The following DOCK1 variants were observed in gnomAD, a reference collection of about 807,000 sequenced individuals.
The protein encoded by DOCK1 is dedicator of cytokinesis 1, also known as dedicator of cytokinesis protein 1.
DOCK1 carries 138 observed loss-of-function variants against 262.7 expected under a neutral mutation model. That is an observed-to-expected ratio of 0.53 (90% CI 0.46 to 0.61). The LOEUF (loss-of-function observed/expected upper bound fraction) is 0.61. DOCK1 is among the 20% of genes least tolerant of loss of function. The pLI, the probability that DOCK1 is intolerant of heterozygous loss-of-function variation, is 0.00. For missense variants in DOCK1, 1,908 were observed against 2,370.7 expected (o/e 0.80, Z 4.05); for synonymous variants, 866 against 867.4 (o/e 1.00, Z 0.03).
At chr10:126,949,987 C>G (rs1329510000) in intron 1 of DOCK1, among the ~76,000 whole-genome samples, 1 of 151,892 alleles carries the variant, frequency 6.6e-6, no homozygotes, top group South Asian at 2.1e-4. Context: ...ATTAGCCCCC[C>G]AAAGCAGGTT....
chr10:127,205,720 G>A lies in DOCK1; in HGVS notation c.2848-42288G>A, dbSNP rs543015253. On this transcript the variant is annotated intron_variant, in intron 27 of 51. Transcript: ENST00000623213. ...CTGAAGTGCAATCAGCTTAAATTGC[G>A]ATTCATATGACAAGTGTTGAAACAG... Among the ~76,000 whole-genome samples the A allele has an allele frequency of 2.1e-4, 32 of 152,282 alleles. No individual in the cohort carries two copies. The East Asian group carries it at 6.0e-3, about 29-fold the overall frequency.
Position 127,381,357 on chromosome 10 carries a change from A to G in DOCK1, c.3796A>G (p.Lys1266Glu). 1.2e-6 allele frequency: 2 copies of G among 1,611,474 alleles called. No individual in the cohort carries two copies. The highest frequency in any genetic ancestry group is 1.7e-6 in the Non-Finnish European group (2 of 1,178,306). Reference protein sequence around the residue: ...EAAYTLLLHAKLLKWSEDVCV... With the variant: ...EAAYTLLLHAELLKWSEDVCV... ...GGCTTACACCTTGCTTCTCCATGCA[A>G]AGCTTCTTAAGGTAATGTCAATTAC... The change falls in exon 37 of 52, where the codon AAG (lysine) becomes GAG (glutamate). Residue 1266 changes from lysine to glutamate, a missense_variant. Around this residue, in one of 9 missense-constraint regions of DOCK1, gnomAD observed 267 missense variants for 366.3 expected, o/e 0.73. Transcript: ENST00000623213.
chr10:127,153,806 T>G (rs1316333147), intron 27 of DOCK1: 4 of 1,425,842 alleles, frequency 2.8e-6, no homozygotes, highest in Non-Finnish European at 4.0e-6. Flanking sequence ...TAAACATCAT[T>G]TGTCACTCAT....
intron 27 of DOCK1, among the ~76,000 whole-genome samples, chr10:127,245,017 A>G (rs1227229874): frequency 6.6e-6 from 1 of 152,212 alleles, no homozygotes; most frequent in African/African-American, 2.4e-5. Flanking sequence ...TGTTCCTAAT[A>G]AATGACTGGT....
At position 127,260,351 on chromosome 10, in the gene DOCK1, A is replaced by G. The variant is rs145688480; in HGVS notation, c.3044+2922A>G. Among the ~76,000 whole-genome samples, 13 of 152,342 alleles carry G rather than the reference A, an allele frequency of 8.5e-5. No individual in the cohort carries two copies. The East Asian group carries it at 2.3e-3, about 27-fold the overall frequency. Reference sequence around the variant, plus strand: ...TGAGGATAAAGTCTACCTTGGTGATAATAAAGTCCACCTTGTTCTCTTGTT... The same window carrying G: ...TGAGGATAAAGTCTACCTTGGTGATGATAAAGTCCACCTTGTTCTCTTGTT... On this transcript the variant is annotated intron_variant, in intron 29 of 51. Coordinates refer to ENST00000623213, the MANE Select transcript of DOCK1 (RefSeq NM_001290223.2).
intron 27 of DOCK1, among the ~76,000 whole-genome samples, chr10:127,181,588 T>G (rs2055740093): frequency 6.6e-6 from 1 of 152,218 alleles, no homozygotes; most frequent in African/African-American, 2.4e-5. Context: ...CCTAGTGGCT[T>G]TCTCACTGTT....
At chr10:126,921,911 T>C (rs567158161) in intron 1 of DOCK1, among the ~76,000 whole-genome samples, 34 of 152,002 alleles carry the variant, frequency 2.2e-4, no homozygotes, top group Non-Finnish European at 4.7e-4. Context: ...CTAGGTAATT[T>C]ATAAGAAAAG....
At chr10:127,041,893 C>G (rs531342800) in intron 19 of DOCK1, among the ~76,000 whole-genome samples, 1 of 152,104 alleles carries the variant, frequency 6.6e-6, no homozygotes, top group Admixed American at 6.5e-5. Context: ...TCTTCTAATA[C>G]GAATCATCAC....
intron 1 of DOCK1, among the ~76,000 whole-genome samples, chr10:126,943,864 T>C (rs2035198031): frequency 6.6e-6 from 1 of 152,032 alleles, no homozygotes; most frequent in East Asian, 1.9e-4. Flanking sequence ...TGAAGTTCAG[T>C]CTGGGTGAGT....
intron 29 of DOCK1, among the ~76,000 whole-genome samples, chr10:127,269,668 G>C (rs1361762234): frequency 6.6e-6 from 1 of 152,238 alleles, no homozygotes; most frequent in Non-Finnish European, 1.5e-5. Context: ...TGGAAGGACA[G>C]AGCTGCAGTC....
At chr10:127,324,584 C>T (rs1043130695) in intron 29 of DOCK1, among the ~76,000 whole-genome samples, 2 of 151,884 alleles carry the variant, frequency 1.3e-5, no homozygotes, top group Non-Finnish European at 2.9e-5. Context: ...AGAGCCCCAC[C>T]GTTGGGAGCT....
chr10:127,026,073 G>GATAAAA, intron 15 of DOCK1: 1 of 220,210 alleles, frequency 4.5e-6, no homozygotes, highest in South Asian at 4.6e-5. Context: ...AAAAAAAAAA[G>GATAAAA]AAAGAAAAAA....
chr10:127,082,213 A>G (rs891565534), intron 23 of DOCK1, among the ~76,000 whole-genome samples: 18 of 152,210 alleles, frequency 1.2e-4, no homozygotes, highest in African/African-American at 3.6e-4. Flanking sequence ...TCTCACAGTC[A>G]TCTTCTCCTT....
intron 27 of DOCK1, among the ~76,000 whole-genome samples, chr10:127,212,633 G>A (rs1356694534): frequency 1.3e-5 from 2 of 151,826 alleles, no homozygotes; most frequent in African/African-American, 2.4e-5. Context: ...CAGCAAGGCC[G>A]AAGCTCTCAT....
At chr10:127,227,550 A>G (rs764314742) in intron 27 of DOCK1, among the ~76,000 whole-genome samples, 2 of 152,214 alleles carry the variant, frequency 1.3e-5, no homozygotes, top group Admixed American at 6.5e-5. Flanking sequence ...CTAGCTACAC[A>G]AGATGGGCTG....
chr10:127,129,395 G>A (rs2050168523), intron 27 of DOCK1, among the ~76,000 whole-genome samples: 1 of 152,262 alleles, frequency 6.6e-6, no homozygotes, highest in Non-Finnish European at 1.5e-5. Context: ...ATGTTTCCAT[G>A]TAAATTGGCT....
At chr10:126,987,964 A>G (rs2039527679) in intron 5 of DOCK1, 1 of 174,586 alleles carries the variant, frequency 5.7e-6, no homozygotes, top group Admixed American at 5.7e-5. Context: ...TTAAACAGTA[A>G]TAGGTGCTTA....
At chr10:127,107,854 C>G (rs926991882) in intron 24 of DOCK1, among the ~76,000 whole-genome samples, 1 of 152,258 alleles carries the variant, frequency 6.6e-6, no homozygotes, top group African/African-American at 2.4e-5. Context: ...AGGCCTGTCT[C>G]ATGGTGCACA....
intron 29 of DOCK1, among the ~76,000 whole-genome samples, chr10:127,263,726 GGAT>G (rs3083954): frequency 0.35 from 53,860 of 151,774 alleles, 9,586 homozygotes; most frequent in Admixed American, 0.41. Context: ...TGACTTGCTC[GGAT>G]TCACGCTTTG....
Sources: allele counts gnomAD v4.1 joint callset (sites outside exome capture counted in the v4.1 genomes callset), GRCh38; gene constraint gnomAD v4.1.1; regional missense constraint gnomAD v4.1.1; transcripts MANE v1.5; gene names NCBI Gene and HGNC (gene_info 2026-07-23, HGNC 2026-07-21).